Variants in EPG5 observed in about 807,000 individuals in gnomAD.
EPG5 encodes the protein ectopic P granules protein 5 homolog.
EPG5 carries 159 observed loss-of-function variants against 302.7 expected under a neutral mutation model. The ratio of observed to expected loss-of-function variants is 0.53; its 90% confidence interval spans 0.46 to 0.60. The LOEUF (loss-of-function observed/expected upper bound fraction) is 0.60. Ranked by LOEUF, EPG5 falls within the 20% of genes least tolerant of loss-of-function variation. The probability of loss-of-function intolerance (pLI) is 0.00; values close to 1 mark genes in which losing one functional copy is unlikely to be tolerated. For synonymous variants in EPG5, 1,158 were observed against 1,136.8 expected (o/e 1.02, Z -0.37); for missense variants, 2,896 against 3,092.4 (o/e 0.94, Z 1.51).
the EPG5 span, among the ~76,000 whole-genome samples, chr18:45,819,110 T>C: frequency 6.6e-6 from 1 of 152,190 alleles, no homozygotes; most frequent in Admixed American, 6.5e-5. Flanking sequence ...GTTTCTGGGA[T>C]TTTTTCCCCA....
Position 45,864,333 on chromosome 18 carries a change from G to A in EPG5, c.6766+1282C>T, listed in dbSNP as rs531886393. ...TTTCCAGTTTACCAATTTTCTCTTC[G>A]GATGGGTTTAATCTGTTGAACTTAT... On this transcript the variant is annotated intron_variant, in intron 39 of 43. Coordinates refer to ENST00000282041, the MANE Select transcript of EPG5 (RefSeq NM_020964.3). Among the ~76,000 whole-genome samples, 88 of 151,780 alleles carry A rather than the reference G, an allele frequency of 5.8e-4. 1 individual carries two copies. The highest frequency in any genetic ancestry group is 1.2e-3 in the Non-Finnish European group (79 of 67,928).
the EPG5 span, among the ~76,000 whole-genome samples, chr18:45,816,640 G>A: frequency 4.6e-3 from 708 of 152,260 alleles, 7 homozygotes; most frequent in African/African-American, 0.016. Flanking sequence ...GCGTGGATGC[G>A]GCGAAGAGGG....
intron 15 of EPG5, among the ~76,000 whole-genome samples, chr18:45,922,957 G>C (rs2050190992): frequency 1.3e-5 from 2 of 152,178 alleles, no homozygotes; most frequent in Non-Finnish European, 2.9e-5. Context: ...TCAATTTTAA[G>C]CTACCAATGG....
At position 45,949,536 on chromosome 18, in the gene EPG5, T is replaced by C. The variant is rs558579717; in HGVS notation, c.1445A>G (p.His482Arg). The C allele has an allele frequency of 4.3e-6, 7 of 1,613,304 alleles. No homozygotes were observed. In the South Asian group the frequency reaches 5.5e-5, roughly 13 times the overall value. The change falls in exon 5 of 44, where the codon CAT (histidine) becomes CGT (arginine). Residue 482 changes from histidine (H) to arginine (R), a missense_variant. His to Arg is a conservative substitution (Grantham distance 29, BLOSUM62 0). This residue lies in a region of EPG5 where 1,390 missense variants were observed against 1,430.0 expected (regional missense o/e 0.97). Coordinates refer to ENST00000282041, the MANE Select transcript of EPG5 (RefSeq NM_020964.3). ...CPGDHLFLLN[H>R]ILRCPAGVSK... is the part of the protein sequence containing the mutation. The stretch of plus-strand genomic sequence containing the variant: ...AACACCAGCGGGGCATCGAAGAATA[T>C]GGTTTAGAAGGAAGAGGTGATCTCC...
At chr18:45,852,799 A>G in intron 43 of EPG5, 150 bp from the exon 44 acceptor site, 1 of 687,898 alleles carries the variant, frequency 1.5e-6, no homozygotes, top group East Asian at 2.7e-5. Context: ...TCCGGAAGGC[A>G]GGCATTGATT....
chr18:45,907,878 T>C, intron 24 of EPG5, 80 bp downstream of exon 24: 1 of 1,356,756 alleles, frequency 7.4e-7, no homozygotes, highest in Non-Finnish European at 9.8e-7. Context: ...AATAAATTGT[T>C]TTATTATGAA....
the EPG5 span, among the ~76,000 whole-genome samples, chr18:45,818,906 A>T: frequency 1.3e-5 from 2 of 151,704 alleles, no homozygotes. Flanking sequence ...GCTAATTTTC[A>T]TATTTTTAGT....
chr18:45,884,661 G>A lies in EPG5; in HGVS notation c.5260C>T (p.Leu1754=). 2 of 1,610,012 alleles carry A rather than the reference G, an allele frequency of 1.2e-6. No homozygotes were observed. The highest frequency in any genetic ancestry group is 1.7e-6 in the Non-Finnish European group (2 of 1,178,768). ...IQLYEQVVKF[L]SEDNSDMIFM... ...ATCATATCACTGTTGTCCTCACTTA[G>A]AAACTTCACCACTTGCTCATACAGC... is the stretch of plus-strand genomic sequence containing the variant. The change falls in exon 30 of 44, where the codon CTA becomes TTA. Residue 1754 remains leucine, a synonymous_variant. Coordinates refer to ENST00000282041, the MANE Select transcript of EPG5 (RefSeq NM_020964.3).
rs778808120 is a variant in EPG5, at chr18:45,928,941, G to A, written c.2481C>T (p.Ile827=). 4 of 1,613,874 alleles carry A rather than the reference G, an allele frequency of 2.5e-6. No individual in the cohort carries two copies. The Admixed American group carries it at 6.7e-5, about 27-fold the overall frequency. The change falls in exon 13 of 44, where the codon ATC becomes ATT. Residue 827 remains isoleucine, a synonymous_variant. Transcript: ENST00000282041. ...SKVGRELLGT[I]TAVHPEIISV... Reference sequence around the variant, plus strand: ...AAATTATCTCAGGGTGAACAGCTGTGATAGTCCCTAAAAGCTCTCGACCAA... The same window carrying A: ...AAATTATCTCAGGGTGAACAGCTGTAATAGTCCCTAAAAGCTCTCGACCAA...
At chr18:45,950,741 A>G (rs937463025) in intron 4 of EPG5, among the ~76,000 whole-genome samples, 3 of 152,194 alleles carry the variant, frequency 2.0e-5, no homozygotes, top group South Asian at 2.1e-4. Context: ...TCAGCACTCA[A>G]AAAGTTTGGA....
chr18:45,955,044 G>A lies in EPG5; in HGVS notation c.358C>T (p.Pro120Ser). 1 of 1,614,108 alleles carries A rather than the reference G, an allele frequency of 6.2e-7. No homozygotes were observed. The highest frequency in any genetic ancestry group is 8.5e-7 in the Non-Finnish European group (1 of 1,180,008). ...ACATTGTCTCCAGGGTGGACCTTTG[G>A]AGTGACTGCACTGTCCCCCACACAG... ...RPCVGDSAVT[P>S]KVHPGDNVGT... Residue 120 changes from proline (P) to serine (S), a missense_variant, in exon 2 of 44, where the codon CCA (proline) becomes TCA (serine). Around this residue, in one of 5 missense-constraint regions of EPG5, gnomAD observed 1,390 missense variants for 1,430.0 expected, o/e 0.97. Coordinates refer to ENST00000282041, the MANE Select transcript of EPG5 (RefSeq NM_020964.3).
Position 45,876,331 on chromosome 18 carries a change from C to T in EPG5, c.5954G>A (p.Arg1985Gln), listed in dbSNP as rs34674177. 3.6e-3 allele frequency: 5,885 copies of T among 1,613,746 alleles called. 67 individuals are homozygous for T. The African/African-American group carries it at 0.038, about 10-fold the overall frequency. ...ATCACTCTCTAGCCAGGGGTAATGC[C>T]GCTGTTGGCTGCTTTAAAGAAAAGA... ...VLEDNESSQQRHYPWLESDTV... is the reference protein window; with the variant it reads ...VLEDNESSQQQHYPWLESDTV... Residue 1985 changes from arginine to glutamine, a missense_variant, in exon 35 of 44, where the codon CGG becomes CAG. Transcript: ENST00000282041.
rs1290468117 is a variant in EPG5 at position 45,956,008 on chromosome 18, A to C, written c.64-670T>G. The stretch of plus-strand genomic sequence containing the variant: ...CATGGATGCTAAAGTGAGTAAGTGA[A>C]GAGTTTAAGGGAAACAGAGTATCTG... On this transcript the variant is annotated intron_variant, in intron 1 of 43. Coordinates refer to ENST00000282041, the MANE Select transcript of EPG5 (RefSeq NM_020964.3). 2.0e-5 allele frequency among the ~76,000 whole-genome samples: 3 copies of C among 152,240 alleles called. No homozygotes were observed. In the South Asian group the frequency reaches 6.2e-4, roughly 31 times the overall value.
chr18:45,829,742 G>A, the EPG5 span, among the ~76,000 whole-genome samples: 4 of 152,260 alleles, frequency 2.6e-5, no homozygotes, highest in Admixed American at 2.6e-4. Flanking sequence ...TCAGCCATGT[G>A]GTGGTGGCAG....
At chr18:45,938,741 T>C (rs2050593099) in intron 10 of EPG5, among the ~76,000 whole-genome samples, 1 of 152,154 alleles carries the variant, frequency 6.6e-6, no homozygotes, top group African/African-American at 2.4e-5. Context: ...ATTATCACCA[T>C]CTCCGTTTTA....
At chr18:45,828,837 TAGC>T in the EPG5 span, among the ~76,000 whole-genome samples, 2 of 152,126 alleles carry the variant, frequency 1.3e-5, no homozygotes, top group East Asian at 1.9e-4. Context: ...GCAAGACAAA[TAGC>T]AGCGGTCACC....
the EPG5 span, chr18:45,842,241 TGCGAG>T: frequency 6.3e-7 from 1 of 1,594,720 alleles, no homozygotes; most frequent in African/African-American, 1.3e-5. Flanking sequence ...CAAAGGCCAG[TGCGAG>T]GCTTGGCTGG....
chr18:45,887,658 A>G (rs1374546305), intron 29 of EPG5, 93 bp downstream of exon 29: 8 of 1,123,216 alleles, frequency 7.1e-6, no homozygotes, highest in South Asian at 5.9e-5. Context: ...AACCTGTAAT[A>G]TAAGTCTGAA....
the EPG5 span, among the ~76,000 whole-genome samples, chr18:45,813,780 G>C: frequency 6.6e-6 from 1 of 150,826 alleles, no homozygotes; most frequent in Admixed American, 6.7e-5. Context: ...TGGGTGGAGG[G>C]GGAGGGATAG....
Sources: allele counts gnomAD v4.1 joint callset (sites outside exome capture counted in the v4.1 genomes callset), GRCh38; gene constraint gnomAD v4.1.1; regional missense constraint gnomAD v4.1.1; transcripts MANE v1.5; gene names NCBI Gene and HGNC (gene_info 2026-07-23, HGNC 2026-07-21).